Variants in BACH2 observed in about 807,000 individuals in gnomAD.
BACH2 encodes the protein transcription regulator protein BACH2.
A neutral mutation model predicts 61.8 loss-of-function variants in BACH2; 5 were observed. The ratio of observed to expected loss-of-function variants is 0.08; its 90% confidence interval spans 0.04 to 0.17. BACH2 has a LOEUF of 0.17. Among genes scored for constraint, BACH2 ranks in the 10% least tolerant of loss-of-function variants. The pLI, the probability that BACH2 is intolerant of heterozygous loss-of-function variation, is 1.00. For missense variants in BACH2, 824 were observed against 1,091.1 expected, an observed-to-expected ratio of 0.76 and a Z score of 3.45; for synonymous variants, 446 against 440.1, an observed-to-expected ratio of 1.01 and a Z score of -0.17.
At chr6:90,014,450 A>G (rs1168409075) in intron 5 of BACH2, among the ~76,000 whole-genome samples, 76 of 65,038 alleles carry the variant, frequency 1.2e-3, no homozygotes, top group South Asian at 3.0e-3. Flanking sequence ...GTATATATAT[A>G]TATATATATA....
chr6:90,011,597 A>G (rs1337642590), intron 5 of BACH2, among the ~76,000 whole-genome samples: 1 of 152,206 alleles, frequency 6.6e-6, no homozygotes, highest in Non-Finnish European at 1.5e-5. Flanking sequence ...CATAGCTCAC[A>G]GCAGTAGCTG....
At chr6:90,185,080 C>G (rs1163645084) in intron 4 of BACH2, among the ~76,000 whole-genome samples, 1 of 152,094 alleles carries the variant, frequency 6.6e-6, no homozygotes, top group Non-Finnish European at 1.5e-5. Flanking sequence ...TGCGTGGCTG[C>G]GTATCAGGAA....
intron 6 of BACH2, among the ~76,000 whole-genome samples, chr6:89,965,546 T>C (rs1204040370): frequency 2.0e-5 from 3 of 152,254 alleles, no homozygotes; most frequent in Non-Finnish European, 4.4e-5. Flanking sequence ...ATTGAAAGCA[T>C]GTGCCTTGTA....
At chr6:90,254,192 C>A (rs1228194463) in intron 2 of BACH2, among the ~76,000 whole-genome samples, 1 of 150,936 alleles carries the variant, frequency 6.6e-6, no homozygotes, top group Non-Finnish European at 1.5e-5. Flanking sequence ...AGACTATCAT[C>A]TCAATATCTA....
intron 3 of BACH2, among the ~76,000 whole-genome samples, chr6:90,229,047 A>C (rs1770007192): frequency 2.0e-5 from 3 of 152,248 alleles, no homozygotes; most frequent in Non-Finnish European, 2.9e-5. Context: ...CAGTCTTCTC[A>C]AGTCAACACA....
intron 1 of BACH2, among the ~76,000 whole-genome samples, chr6:90,285,089 A>G (rs1365363896): frequency 6.6e-6 from 1 of 152,254 alleles, no homozygotes; most frequent in East Asian, 1.9e-4. Context: ...TATCTACAAA[A>G]GGAAGTTTAT....
At chr6:90,111,042 T>C (rs927139609) in intron 4 of BACH2, among the ~76,000 whole-genome samples, 1 of 152,242 alleles carries the variant, frequency 6.6e-6, no homozygotes, top group Non-Finnish European at 1.5e-5. Flanking sequence ...TTGGTACCAC[T>C]ATCTTGTTTC....
intron 4 of BACH2, among the ~76,000 whole-genome samples, chr6:90,153,953 T>C (rs1367120552): frequency 6.6e-6 from 1 of 152,228 alleles, no homozygotes; most frequent in Non-Finnish European, 1.5e-5. Context: ...TCACATATAT[T>C]ACCCTTTTAC....
At chr6:89,973,752 G>A (rs1238868054) in intron 6 of BACH2, among the ~76,000 whole-genome samples, 1 of 152,078 alleles carries the variant, frequency 6.6e-6, no homozygotes, top group African/African-American at 2.4e-5. Flanking sequence ...TTCTCTCGGT[G>A]TCTCAAAATA....
chr6:90,111,857 TAAGAC>T (rs747290714), intron 4 of BACH2, among the ~76,000 whole-genome samples: 1 of 152,236 alleles, frequency 6.6e-6, no homozygotes, highest in Admixed American at 6.5e-5. Context: ...CCTTACCATC[TAAGAC>T]AATACTTGGA....
intron 8 of BACH2, among the ~76,000 whole-genome samples, chr6:89,935,665 G>T (rs1772980138): frequency 6.6e-6 from 1 of 152,162 alleles, no homozygotes. Flanking sequence ...TGGTTTTTTG[G>T]TTGAAAAATG....
chr6:90,045,744 T>C (rs576019864), intron 5 of BACH2, among the ~76,000 whole-genome samples: 243 of 152,320 alleles, frequency 1.6e-3, no homozygotes, highest in African/African-American at 5.3e-3. Context: ...ACTAAAAGGA[T>C]GGTGATGCAA....
chr6:89,947,300 T>C (rs1341496254), intron 7 of BACH2, among the ~76,000 whole-genome samples: 3 of 152,176 alleles, frequency 2.0e-5, no homozygotes, highest in African/African-American at 7.2e-5. Flanking sequence ...CTGGGGATAA[T>C]ACTTCAACCA....
intron 3 of BACH2, among the ~76,000 whole-genome samples, chr6:90,215,740 T>TA (rs1769512930): frequency 6.6e-6 from 1 of 152,170 alleles, no homozygotes; most frequent in Non-Finnish European, 1.5e-5. Context: ...ATGTTCTTTG[T>TA]AGCCTAAGCT....
chr6:90,233,243 C>A (rs748040602), intron 3 of BACH2, among the ~76,000 whole-genome samples: 6 of 152,158 alleles, frequency 3.9e-5, no homozygotes, highest in Non-Finnish European at 8.8e-5. Context: ...GGCCAGACCC[C>A]AGAAGACACA....
Position 90,275,288 on chromosome 6 carries a change from T to C in BACH2, c.-445-3347A>G, listed in dbSNP as rs1360441067. ...CAGTTAAATTAAAATGCACCTGCAC[T>C]GTAAATCGTGAGAGAACATACCTGC... On this transcript the variant is annotated intron_variant, in intron 1 of 8. Coordinates refer to ENST00000257749, the MANE Select transcript of BACH2 (RefSeq NM_021813.4). Among the ~76,000 whole-genome samples, 6 of 152,324 alleles carry C rather than the reference T, an allele frequency of 3.9e-5. No individual in the cohort carries two copies. The East Asian group carries it at 5.8e-4, about 15-fold the overall frequency.
chr6:89,948,129 A>T (rs1217120841), intron 7 of BACH2, among the ~76,000 whole-genome samples: 1 of 152,206 alleles, frequency 6.6e-6, no homozygotes, highest in African/African-American at 2.4e-5. Context: ...ACACAAAAGA[A>T]GATGTATCTG....
At chr6:90,087,992 TAC>T (rs1176546413) in intron 5 of BACH2, among the ~76,000 whole-genome samples, 1 of 150,572 alleles carries the variant, frequency 6.6e-6, no homozygotes, top group Non-Finnish European at 1.5e-5. Context: ...TTTTTTTTTG[TAC>T]CTATTAACTA....
In BACH2 at chr6:90,169,499, A is replaced by C. The variant is rs560057672; in HGVS notation, c.-162+37070T>G. Among the ~76,000 whole-genome samples the C allele has an allele frequency of 2.6e-5, 4 of 152,200 alleles. 1 individual carries two copies. In the South Asian group the frequency reaches 8.3e-4, roughly 32 times the overall value. On this transcript the variant is annotated intron_variant, in intron 4 of 8. Transcript: ENST00000257749. ...GGACACTAACCCAGACATTCACCCC[A>C]CTTCCTGCGGGTAGCCACTACAATT...
Sources: gnomAD v4.1 joint callset for allele counts (sites outside exome capture counted in the v4.1 genomes callset) on GRCh38, gnomAD v4.1.1 for gene constraint, MANE v1.5 for transcripts, NCBI Gene and HGNC (gene_info 2026-07-23, HGNC 2026-07-21) for gene names.